Variants in NAV1 observed in about 807,000 individuals in gnomAD.
The protein encoded by NAV1 is neuron navigator 1.
A neutral mutation model predicts 175.2 loss-of-function variants in NAV1; 18 were observed. That is an observed-to-expected ratio of 0.10 (90% CI 0.07 to 0.15). The LOEUF is 0.15. NAV1 is among the 10% of genes least tolerant of loss of function. The pLI is 1.00. For missense variants in NAV1, 1,731 were observed against 2,436.6 expected (o/e 0.71, Z 6.10); for synonymous variants, 897 against 978.7 (o/e 0.92, Z 1.56).
In NAV1 at chr1:201,813,911, G is replaced by A. The variant is rs1191561611; in HGVS notation, c.5340+653G>A. ...TTTCTACTAAAAATACAAAAAATTA[G>A]CCAGACGTGGTGGTGGGCGCCTGCA... On this transcript the variant is annotated intron_variant, in intron 28 of 29. Transcript: ENST00000367296. This position sits in a 1 kb window ranked among gnomAD's most constrained non-coding sequence, Gnocchi z 4.2. 6.6e-6 allele frequency among the ~76,000 whole-genome samples: 1 copy of A among 152,068 alleles called. No individual in the cohort carries two copies. The highest frequency in any genetic ancestry group is 1.5e-5 in the Non-Finnish European group (1 of 68,020).
At chr1:201,624,147 T>C (rs1011626088) in intron 1 of NAV1, among the ~76,000 whole-genome samples, 2 of 152,172 alleles carry the variant, frequency 1.3e-5, no homozygotes, top group African/African-American at 2.4e-5. Flanking sequence ...TAGTGCCTTG[T>C]GCATATCTGC....
At chr1:201,777,634 TTTGTTGTTG>T (rs112249814) in intron 3 of NAV1, among the ~76,000 whole-genome samples, 1 of 150,770 alleles carries the variant, frequency 6.6e-6, no homozygotes, top group African/African-American at 2.4e-5. Flanking sequence ...ATAGTGGGTT[TTTGTTGTTG>T]TTGTTGTTGT....
At chr1:201,822,128 G>T (rs1315825342) in exon 30 of NAV1, 2 of 152,614 alleles carry the variant, frequency 1.3e-5, no homozygotes, top group Non-Finnish European at 2.9e-5. Context: ...TATTGCTATT[G>T]CTGCTAATTC....
intron 1 of NAV1, among the ~76,000 whole-genome samples, chr1:201,566,988 A>T (rs1666372719): frequency 6.6e-6 from 1 of 151,812 alleles, no homozygotes; most frequent in African/African-American, 2.4e-5. Flanking sequence ...TTCCCTCCTC[A>T]CTTATAATCC....
At chr1:201,606,104 G>C (rs919929672) in intron 2 of NAV1, among the ~76,000 whole-genome samples, 1 of 152,170 alleles carries the variant, frequency 6.6e-6, no homozygotes. Flanking sequence ...CATGGCTATG[G>C]GATCCACCTA....
At chr1:201,605,393 ACCCTT>A (rs1558015719) in intron 2 of NAV1, among the ~76,000 whole-genome samples, 1 of 151,462 alleles carries the variant, frequency 6.6e-6, no homozygotes, top group Non-Finnish European at 1.5e-5. Flanking sequence ...AGGTGATGAG[ACCCTT>A]TATTTTAGGA....
intron 1 of NAV1, among the ~76,000 whole-genome samples, chr1:201,681,250 A>G (rs940406911): frequency 2.6e-5 from 4 of 152,112 alleles, no homozygotes; most frequent in African/African-American, 9.7e-5. Flanking sequence ...TACCCAAACC[A>G]TCTGCCAGCA....
At chr1:201,747,211 T>C (rs1673826874) in intron 3 of NAV1, among the ~76,000 whole-genome samples, 2 of 152,270 alleles carry the variant, frequency 1.3e-5, no homozygotes, top group South Asian at 4.1e-4. Context: ...TTCTCGTGGC[T>C]GTGCGGGCAG....
At chr1:201,743,405 C>T (rs1673558570) in intron 3 of NAV1, among the ~76,000 whole-genome samples, 1 of 152,170 alleles carries the variant, frequency 6.6e-6, no homozygotes, top group African/African-American at 2.4e-5. Context: ...GTCAGCTGAC[C>T]TGATTTAGAA....
At position 201,740,947 on chromosome 1, in the gene NAV1, C is replaced by T. The variant is rs1308235040; in HGVS notation, c.1226+22192C>T. On this transcript the variant is annotated intron_variant, in intron 3 of 29. Transcript: ENST00000367296. This position sits in a 1 kb window ranked among gnomAD's most constrained non-coding sequence, Gnocchi z 4.7. Reference sequence around the variant, plus strand: ...GGTGGGCAGGGGAGGCTTCCCATCTCACTATTCTCACCCCATATACACTCT... The same window carrying T: ...GGTGGGCAGGGGAGGCTTCCCATCTTACTATTCTCACCCCATATACACTCT... 2.0e-5 allele frequency among the ~76,000 whole-genome samples: 3 copies of T among 152,040 alleles called. No individual in the cohort carries two copies. The highest frequency in any genetic ancestry group is 2.9e-5 in the Non-Finnish European group (2 of 67,992).
At chr1:201,547,087 A>G (rs926593637) in intron 1 of NAV1, among the ~76,000 whole-genome samples, 1 of 151,408 alleles carries the variant, frequency 6.6e-6, no homozygotes, top group African/African-American at 2.4e-5. Flanking sequence ...CCCGGGTTCA[A>G]GCGATTCTCC....
chr1:201,628,248 C>T (rs1306847032), intron 1 of NAV1, among the ~76,000 whole-genome samples: 1 of 152,056 alleles, frequency 6.6e-6, no homozygotes, highest in Non-Finnish European at 1.5e-5. Flanking sequence ...CGACACCCCA[C>T]CCTGCACTAT....
At chr1:201,705,960 G>C (rs1253729666) in intron 1 of NAV1, among the ~76,000 whole-genome samples, 1 of 152,172 alleles carries the variant, frequency 6.6e-6, no homozygotes, top group Admixed American at 6.5e-5. Context: ...TCCTAGTCCA[G>C]CTCTGAGCAG....
chr1:201,612,351 G>T (rs1415192943), intron 2 of NAV1, among the ~76,000 whole-genome samples: 4 of 152,208 alleles, frequency 2.6e-5, no homozygotes, highest in Non-Finnish European at 5.9e-5. Context: ...CTACTCGGCA[G>T]GCTGAAGTGG....
intron 1 of NAV1, among the ~76,000 whole-genome samples, chr1:201,559,804 T>C (rs1666144244): frequency 6.6e-6 from 1 of 152,220 alleles, no homozygotes; most frequent in African/African-American, 2.4e-5. Flanking sequence ...TTTGTCTGCA[T>C]GGCCTTGCAT....
At chr1:201,762,641 A>C (rs752165040) in intron 3 of NAV1, among the ~76,000 whole-genome samples, 3 of 152,226 alleles carry the variant, frequency 2.0e-5, no homozygotes, top group Non-Finnish European at 4.4e-5. Context: ...TGTGACAGAG[A>C]CTTTATGGCC....
At chr1:201,715,315 C>A (rs2102477593) in intron 2 of NAV1, among the ~76,000 whole-genome samples, 1 of 152,098 alleles carries the variant, frequency 6.6e-6, no homozygotes. Context: ...TGCGTGCCAC[C>A]ACACCGGCTA....
chr1:201,661,264 C>A (rs747621486), intron 1 of NAV1, among the ~76,000 whole-genome samples: 3 of 152,188 alleles, frequency 2.0e-5, no homozygotes, highest in Non-Finnish European at 4.4e-5. Context: ...CTATAGGAAT[C>A]GGTTCTCTCT....
chr1:201,601,640 G>A (rs1286783289), intron 2 of NAV1, among the ~76,000 whole-genome samples: 1 of 152,134 alleles, frequency 6.6e-6, no homozygotes, highest in Admixed American at 6.6e-5. Flanking sequence ...GTGAGGACAG[G>A]GCAGGAAGGT....
Sources: allele counts gnomAD v4.1 joint callset (sites outside exome capture counted in the v4.1 genomes callset), GRCh38; gene constraint gnomAD v4.1.1; non-coding constraint Gnocchi (gnomAD v3.1); transcripts MANE v1.5; gene names NCBI Gene and HGNC (gene_info 2026-07-23, HGNC 2026-07-21).